NSDHL: variants seen among roughly 807,000 people sequenced by gnomAD.
NSDHL encodes NAD(P) dependent 3-beta-hydroxysteroid dehydrogenase NSDHL, also known as sterol-4-alpha-carboxylate 3-dehydrogenase, decarboxylating.
In NSDHL, 1 loss-of-function variant was observed where a neutral mutation model predicts 23.0. The ratio of observed to expected loss-of-function variants is 0.04; its 90% CI spans 0.02 to 0.21. NSDHL has a LOEUF of 0.21. NSDHL is among the 10% of genes least tolerant of loss of function. The probability of loss-of-function intolerance (pLI) is 1.00; values close to 1 mark genes in which losing one functional copy is unlikely to be tolerated. For missense variants in NSDHL, 237 were observed against 300.9 expected, an observed-to-expected ratio of 0.79 and a Z score of 1.57; for synonymous variants, 128 against 121.1, an observed-to-expected ratio of 1.06 and a Z score of -0.37.
intron 2 of NSDHL, among the ~76,000 whole-genome samples, chrX:152,847,867 CT>C (rs1165079425): frequency 9.5e-4 from 96 of 100,815 alleles, no homozygotes; most frequent in Admixed American, 9.7e-4. Context: ...GGTTTTTTTT[CT>C]TTTTTTTTTT....
chrX:152,848,381 A>G (rs1416347941), intron 2 of NSDHL, among the ~76,000 whole-genome samples: 1 of 112,130 alleles, frequency 8.9e-6, no homozygotes, highest in African/African-American at 3.2e-5. Flanking sequence ...CACACATTTG[A>G]CTTCCCTGGG....
At chrX:152,854,071 G>C (rs1933401958) in intron 3 of NSDHL, among the ~76,000 whole-genome samples, 1 of 112,287 alleles carries the variant, frequency 8.9e-6, no homozygotes, top group Non-Finnish European at 1.9e-5. Flanking sequence ...AAGGAGACGA[G>C]AATCCTTAGC....
chrX:152,863,920 T>C (rs1933566316), intron 5 of NSDHL, among the ~76,000 whole-genome samples: 2 of 110,659 alleles, frequency 1.8e-5, no homozygotes, highest in Admixed American at 1.9e-4. Flanking sequence ...TTTTTTTTTT[T>C]TTCTTTTTTG....
At chrX:152,839,341 A>G in intron 1 of NSDHL, among the ~76,000 whole-genome samples, 1 of 112,036 alleles carries the variant, frequency 8.9e-6, no homozygotes, top group South Asian at 3.7e-4. Context: ...TCCTGTCATT[A>G]TGATGTTAGG....
At chrX:152,868,550 A>G (rs370025995) in intron 7 of NSDHL, among the ~76,000 whole-genome samples, 2 of 112,798 alleles carry the variant, frequency 1.8e-5, no homozygotes, top group African/African-American at 6.4e-5. Flanking sequence ...TATCAAATTA[A>G]CAAATGTGCC....
At chrX:152,832,649 G>C (rs6526130) in intron 1 of NSDHL, among the ~76,000 whole-genome samples, 30,657 of 110,742 alleles carry the variant, frequency 0.28, 3,953 homozygotes, top group African/African-American at 0.5. Flanking sequence ...TTGCTTCCCA[G>C]TCCGTCAACC....
At chrX:152,844,476 G>A (rs781971169) in intron 1 of NSDHL, among the ~76,000 whole-genome samples, 31 of 112,498 alleles carry the variant, frequency 2.8e-4, no homozygotes, top group Non-Finnish European at 4.3e-4. Context: ...CCAGGCACAC[G>A]CCCCTCAGAT....
Position 152,831,100 on chromosome X carries a change from G to A in NSDHL, c.-61G>A. ...CTGCTTGCGAGCTGAGGCCAGACAG[G>A]GGGGCGCCTACGGACGGGTAAGAGT... On this transcript the variant is annotated 5_prime_UTR_variant, in exon 1 of 8. Coordinates refer to ENST00000370274, the MANE Select transcript of NSDHL (RefSeq NM_015922.3). 3.3e-6 allele frequency: 1 copy of A among 304,396 alleles called. No individual in the cohort carries two copies. The highest frequency in any genetic ancestry group is 1.5e-4 in the South Asian group (1 of 6,732). 25.1% of individuals were successfully genotyped at this position (304,396 alleles called of 1,213,427 possible). A position where few individuals can be genotyped will look rare whatever the true frequency, so the allele number is the denominator to read the frequency against.
intron 3 of NSDHL, among the ~76,000 whole-genome samples, chrX:152,854,040 G>A (rs192965569): frequency 1.8e-5 from 2 of 112,391 alleles, no homozygotes; most frequent in East Asian, 2.8e-4. Context: ...TTTGTTTTTC[G>A]ATCACTGCTT....
chrX:152,833,665 C>T, intron 1 of NSDHL, among the ~76,000 whole-genome samples: 1 of 112,400 alleles, frequency 8.9e-6, no homozygotes, highest in African/African-American at 3.2e-5. Flanking sequence ...CTGTTTTACT[C>T]ACTCTTCTGG....
intron 3 of NSDHL, among the ~76,000 whole-genome samples, chrX:152,854,260 G>C (rs1176380180): frequency 9.0e-6 from 1 of 111,424 alleles, no homozygotes; most frequent in African/African-American, 3.3e-5. Context: ...ATTTAACCAG[G>C]GTTGGAGTTT....
chrX:152,853,940 CATG>C (rs1481670002), intron 3 of NSDHL, among the ~76,000 whole-genome samples: 1 of 112,431 alleles, frequency 8.9e-6, no homozygotes, highest in African/African-American at 3.2e-5. Context: ...CTGATTGAAA[CATG>C]ATTGACCATG....
intron 3 of NSDHL, among the ~76,000 whole-genome samples, chrX:152,853,324 C>A (rs1933389837): frequency 9.0e-6 from 1 of 110,660 alleles, no homozygotes; most frequent in African/African-American, 3.3e-5. Context: ...GCCTACTCTG[C>A]TTTTCCAGTT....
chrX:152,835,093 G>A (rs1556843902), intron 1 of NSDHL, among the ~76,000 whole-genome samples: 1 of 111,871 alleles, frequency 8.9e-6, no homozygotes, highest in African/African-American at 3.3e-5. Flanking sequence ...CAGGAAGGAG[G>A]AGGTTGGGCT....
intron 1 of NSDHL, among the ~76,000 whole-genome samples, chrX:152,837,019 G>A (rs139754176): frequency 0.022 from 2,421 of 111,451 alleles, 62 homozygotes; most frequent in African/African-American, 0.075. Flanking sequence ...GGTCCTTCAC[G>A]TCCCTTGTAA....
Position 152,852,505 on chromosome X carries a change from A to C in NSDHL, c.267+2082A>C, listed in dbSNP as rs782490511. Among the ~76,000 whole-genome samples, 50 of 77,106 alleles carry C rather than the reference A, an allele frequency of 6.5e-4. No individual in the cohort carries two copies. The Admixed American group carries it at 7.7e-3, about 12-fold the overall frequency. The allele number at this position is 77,106 out of a possible 115,157, so 67.0% of individuals were successfully genotyped here. On this transcript the variant is annotated intron_variant, in intron 3 of 7. Transcript: ENST00000370274. Reference sequence around the variant, plus strand: ...TTGTAGATGTCAACCACAGCTACAAAATACCTCTACAGCAACACCTACACT... The same window carrying C: ...TTGTAGATGTCAACCACAGCTACAACATACCTCTACAGCAACACCTACACT...
At chrX:152,846,462 A>G in intron 2 of NSDHL, 30 bp downstream of exon 2, 1 of 935,186 alleles carries the variant, frequency 1.1e-6, no homozygotes, top group Non-Finnish European at 1.6e-6. Flanking sequence ...GTACATACCA[A>G]CAGGCTGATA....
At position 152,850,144 on chromosome X, in the gene NSDHL, G is replaced by A. The variant is rs149619028; in HGVS notation, c.109-121G>A. 5.3e-6 allele frequency: 4 copies of A among 759,704 alleles called. No homozygotes were observed. In the South Asian group the frequency reaches 6.4e-5, roughly 12 times the overall value. The allele number at this position is 759,704 out of a possible 1,213,427, so 62.6% of individuals were successfully genotyped here. ...ATATAAAGCTTCCAACTTGGCTCAA[G>A]AAGAGTTCCAAACAAACAAGTATAT... On this transcript the variant is annotated intron_variant, in intron 2 of 7. Transcript: ENST00000370274.
At chrX:152,868,736 G>T in intron 7 of NSDHL, 48 bp from the exon 8 acceptor site, 1 of 1,071,936 alleles carries the variant, frequency 9.3e-7, no homozygotes, top group Non-Finnish European at 1.3e-6. Context: ...TCAACTTTGG[G>T]CAGGTGGGGG....
Sources: allele counts gnomAD v4.1 joint callset (sites outside exome capture counted in the v4.1 genomes callset), GRCh38; gene constraint gnomAD v4.1.1; transcripts MANE v1.5; gene names NCBI Gene and HGNC (gene_info 2026-07-23, HGNC 2026-07-21).